GPC5: variants seen among roughly 807,000 people sequenced by gnomAD.
GPC5 encodes glypican-5.
In GPC5, 47 loss-of-function variants were observed where a neutral mutation model predicts 53.9. That is an observed-to-expected ratio of 0.87 (90% CI 0.69 to 1.11). GPC5 has a LOEUF of 1.11. Among genes scored for constraint, GPC5 ranks in the 50% most tolerant of loss-of-function variants. The pLI is 0.00. For missense variants in GPC5, 748 were observed against 713.1 expected, an observed-to-expected ratio of 1.05 and a Z score of -0.56; for synonymous variants, 286 against 263.3, an observed-to-expected ratio of 1.09 and a Z score of -0.84.
chr13:91,694,899 G>A (rs761522752), intron 3 of GPC5, among the ~76,000 whole-genome samples: 3 of 152,146 alleles, frequency 2.0e-5, no homozygotes, highest in Non-Finnish European at 4.4e-5. Flanking sequence ...ATGAGCCACC[G>A]CGCCCAGCGA....
At chr13:92,515,770 T>A (rs1566623891) in intron 7 of GPC5, among the ~76,000 whole-genome samples, 2 of 152,154 alleles carry the variant, frequency 1.3e-5, no homozygotes, top group Non-Finnish European at 2.9e-5. Flanking sequence ...TTTTTTGTGT[T>A]CAATATTGAG....
intron 3 of GPC5, among the ~76,000 whole-genome samples, chr13:91,705,171 T>C (rs2036072538): frequency 6.6e-6 from 1 of 152,224 alleles, no homozygotes; most frequent in Non-Finnish European, 1.5e-5. Flanking sequence ...CAGGAATGTG[T>C]AGTCTAACTG....
chr13:91,637,261 T>G (rs2034307731), intron 2 of GPC5, among the ~76,000 whole-genome samples: 1 of 152,176 alleles, frequency 6.6e-6, no homozygotes, highest in African/African-American at 2.4e-5. Context: ...ATTTAGGAGT[T>G]ATAAAGTTGT....
At chr13:91,429,656 C>A (rs1400104468) in intron 1 of GPC5, among the ~76,000 whole-genome samples, 3 of 152,084 alleles carry the variant, frequency 2.0e-5, no homozygotes, top group Non-Finnish European at 4.4e-5. Context: ...TCAGAGGATT[C>A]CAGGTGAGTT....
chr13:92,793,548 G>C (rs1343956459), intron 7 of GPC5, among the ~76,000 whole-genome samples: 1 of 151,782 alleles, frequency 6.6e-6, no homozygotes, highest in Non-Finnish European at 1.5e-5. Flanking sequence ...GCGGAACTGA[G>C]AGAGACAGAG....
intron 2 of GPC5, among the ~76,000 whole-genome samples, chr13:91,482,055 G>A (rs944756198): frequency 6.6e-6 from 1 of 152,056 alleles, no homozygotes; most frequent in Non-Finnish European, 1.5e-5. Context: ...GTGCCTCCTT[G>A]GTTACAATGA....
intron 7 of GPC5, among the ~76,000 whole-genome samples, chr13:92,596,717 C>T (rs1292212494): frequency 6.6e-6 from 1 of 152,190 alleles, no homozygotes; most frequent in African/African-American, 2.4e-5. Flanking sequence ...TGTGATCCAC[C>T]TGCCTTGGCT....
At chr13:92,565,499 C>T (rs972102805) in intron 7 of GPC5, among the ~76,000 whole-genome samples, 11 of 152,122 alleles carry the variant, frequency 7.2e-5, no homozygotes, top group African/African-American at 2.4e-4. Flanking sequence ...AGCTTTTTTT[C>T]ACTGCTACAA....
intron 2 of GPC5, among the ~76,000 whole-genome samples, chr13:91,619,434 G>T (rs115176406): frequency 6.6e-6 from 1 of 152,016 alleles, no homozygotes; most frequent in African/African-American, 2.4e-5. Context: ...ATTAGAGTAC[G>T]CTGTATTCAA....
intron 7 of GPC5, among the ~76,000 whole-genome samples, chr13:92,621,192 A>G (rs117887050): frequency 0.01 from 1,545 of 152,200 alleles, 14 homozygotes; most frequent in African/African-American, 0.023. Flanking sequence ...TCATCAGACA[A>G]TGTTATCCTC....
chr13:92,456,501 C>T (rs1408177677), intron 7 of GPC5, among the ~76,000 whole-genome samples: 1 of 152,132 alleles, frequency 6.6e-6, no homozygotes, highest in African/African-American at 2.4e-5. Flanking sequence ...CTTTCAACAC[C>T]TTGGACTAGC....
At chr13:91,733,381 C>T (rs549156122) in intron 4 of GPC5, among the ~76,000 whole-genome samples, 1 of 152,308 alleles carries the variant, frequency 6.6e-6, no homozygotes, top group African/African-American at 2.4e-5. Flanking sequence ...GATCTGCCCA[C>T]CTCAGCCTCC....
chr13:92,322,443 A>T (rs966932066), intron 7 of GPC5, among the ~76,000 whole-genome samples: 4 of 152,186 alleles, frequency 2.6e-5, no homozygotes, highest in Admixed American at 2.6e-4. Context: ...TAGTTTGGAA[A>T]ATAATTTCTG....
chr13:92,268,333 A>C (rs2042816421), intron 7 of GPC5, among the ~76,000 whole-genome samples: 2 of 151,530 alleles, frequency 1.3e-5, no homozygotes. Flanking sequence ...CAGCCCTTTG[A>C]TTTGGTATAT....
intron 7 of GPC5, among the ~76,000 whole-genome samples, chr13:92,520,046 C>T (rs1594270588): frequency 6.6e-6 from 1 of 152,134 alleles, no homozygotes; most frequent in African/African-American, 2.4e-5. Context: ...AGATAAATTC[C>T]TGGACACATA....
intron 2 of GPC5, among the ~76,000 whole-genome samples, chr13:91,536,145 G>GT (rs1886581865): frequency 2.0e-5 from 3 of 152,040 alleles, no homozygotes; most frequent in Non-Finnish European, 4.4e-5. Flanking sequence ...TTTGCATATG[G>GT]TATCAGTCTA....
At chr13:92,529,849 G>A (rs544670491) in intron 7 of GPC5, among the ~76,000 whole-genome samples, 10 of 152,244 alleles carry the variant, frequency 6.6e-5, no homozygotes, top group African/African-American at 1.4e-4. Flanking sequence ...TTGGGAGGCC[G>A]AGGCGGGGGC....
chr13:92,038,796 G>A (rs2040918552), intron 6 of GPC5, among the ~76,000 whole-genome samples: 1 of 151,898 alleles, frequency 6.6e-6, no homozygotes, highest in South Asian at 2.1e-4. Flanking sequence ...CCAAATGAGC[G>A]AATGCAAACA....
chr13:91,670,039 T>C (rs903200457), intron 2 of GPC5, among the ~76,000 whole-genome samples: 3 of 152,180 alleles, frequency 2.0e-5, no homozygotes. Flanking sequence ...ACTAGAATAG[T>C]CTAGATTAGA....
Sources: allele counts gnomAD v4.1 joint callset (sites outside exome capture counted in the v4.1 genomes callset), GRCh38; gene constraint gnomAD v4.1.1; transcripts MANE v1.5; gene names NCBI Gene and HGNC (gene_info 2026-07-23, HGNC 2026-07-21).